TSPAN15: variants seen among roughly 807,000 people sequenced by gnomAD.
TSPAN15 encodes the protein tetraspanin 15.
A neutral mutation model predicts 34.5 loss-of-function variants in TSPAN15; 20 were observed. The ratio of observed to expected loss-of-function variants is 0.58; its 90% CI spans 0.41 to 0.84. The LOEUF (loss-of-function observed/expected upper bound fraction) is 0.84, where lower values mean the gene tolerates loss of function less well. Among genes scored for constraint, TSPAN15 ranks in the 40% least tolerant of loss-of-function variants. TSPAN15 has a pLI of 0.00. For missense variants in TSPAN15, 313 were observed against 386.1 expected (o/e 0.81, Z 1.59); for synonymous variants, 155 against 153.9 (o/e 1.01, Z -0.05).
At chr10:69,517,997 G>C in the TSPAN15 span, among the ~76,000 whole-genome samples, 1 of 152,206 alleles carries the variant, frequency 6.6e-6, no homozygotes, top group Non-Finnish European at 1.5e-5. Flanking sequence ...ATAAATCTTT[G>C]TTGACTGGAC....
At chr10:69,510,742 T>C (rs184773209), downstream of TSPAN15, among the ~76,000 whole-genome samples, 2 of 152,378 alleles carry the variant, frequency 1.3e-5, no homozygotes, top group African/African-American at 4.8e-5. Flanking sequence ...TATTTTGAGA[T>C]ATGTTCCATC....
the TSPAN15 span, among the ~76,000 whole-genome samples, chr10:69,543,844 A>AGTATGTGTGTGTGTGTGTGTGTGTGTGT: frequency 1.4e-5 from 1 of 73,808 alleles, no homozygotes; most frequent in African/African-American, 5.7e-5. Context: ...GAAGAAGGGG[A>AGTATGTGTGTGTGTGTGTGTGTGTGTGT]GTGTGTGTGT....
chr10:69,534,015 T>C, the TSPAN15 span, among the ~76,000 whole-genome samples: 3 of 152,210 alleles, frequency 2.0e-5, no homozygotes, highest in African/African-American at 7.2e-5. Context: ...TTCCACACAA[T>C]ACTCTAGGAA....
intron 1 of TSPAN15, among the ~76,000 whole-genome samples, chr10:69,462,155 G>GTTT (rs755068937): frequency 0.11 from 9,157 of 82,554 alleles, 1,357 homozygotes; most frequent in Non-Finnish European, 0.17. Flanking sequence ...TAATTTTAAA[G>GTTT]TTTTTTTTTT....
At chr10:69,508,457 A>AG (rs1842380647), downstream of TSPAN15, among the ~76,000 whole-genome samples, 1 of 145,240 alleles carries the variant, frequency 6.9e-6, no homozygotes, top group African/African-American at 2.5e-5. Context: ...AAAAAAAAAA[A>AG]AAAAAAAAAA....
the TSPAN15 span, among the ~76,000 whole-genome samples, chr10:69,543,213 G>A: frequency 6.6e-6 from 1 of 152,106 alleles, no homozygotes; most frequent in African/African-American, 2.4e-5. Context: ...GTGCCAAGAT[G>A]GTTTCTGATT....
Position 69,506,918 on chromosome 10 carries a change from C to G in TSPAN15, c.825C>G (p.Pro275=). 1 of 1,609,032 alleles carries G rather than the reference C, an allele frequency of 6.2e-7. No individual in the cohort carries two copies. Among genetic ancestry groups the G allele is most frequent in the Non-Finnish European group, 8.5e-7 (1 of 1,178,286 alleles). ...EHSVTDGLLG[P]GAKPSVEAAG... The stretch of plus-strand genomic sequence containing the variant: ...CTGTCACTGATGGGCTCCTGGGGCC[C>G]GGTGCCAAGCCCAGCGTGGAGGCGG... The change falls in exon 8 of 8, where the codon CCC becomes CCG. Residue 275 remains proline (P), a synonymous_variant. Coordinates refer to ENST00000373290, the MANE Select transcript of TSPAN15 (RefSeq NM_012339.5). This position sits in a 1 kb window ranked among gnomAD's most constrained non-coding sequence, Gnocchi z 4.7.
intron 3 of TSPAN15, among the ~76,000 whole-genome samples, chr10:69,488,240 A>G (rs1343305090): frequency 6.6e-6 from 1 of 152,086 alleles, no homozygotes; most frequent in Non-Finnish European, 1.5e-5. Flanking sequence ...CTCTAATGTG[A>G]TATGATTTTG....
chr10:69,537,498 G>A, the TSPAN15 span, among the ~76,000 whole-genome samples: 2 of 152,168 alleles, frequency 1.3e-5, no homozygotes, highest in South Asian at 4.2e-4. Flanking sequence ...TGTCGTCAGG[G>A]CCAGGCTCCC....
At chr10:69,526,253 A>G in the TSPAN15 span, among the ~76,000 whole-genome samples, 1 of 147,974 alleles carries the variant, frequency 6.8e-6, no homozygotes, top group Non-Finnish European at 1.5e-5. Context: ...TTATGTTATC[A>G]AAACTAATTT....
chr10:69,522,903 T>C, the TSPAN15 span, among the ~76,000 whole-genome samples: 1 of 148,092 alleles, frequency 6.8e-6, no homozygotes, highest in Non-Finnish European at 1.5e-5. Context: ...TGTCCTTTGA[T>C]ACACAAAAGT....
chr10:69,521,046 C>A, the TSPAN15 span, among the ~76,000 whole-genome samples: 2 of 151,482 alleles, frequency 1.3e-5, no homozygotes, highest in Admixed American at 6.6e-5. Context: ...ATGTGTCAAC[C>A]TGACTGGGCT....
At chr10:69,496,829 C>T (rs1343729127) in intron 4 of TSPAN15, among the ~76,000 whole-genome samples, 2 of 152,204 alleles carry the variant, frequency 1.3e-5, no homozygotes, top group Non-Finnish European at 2.9e-5. Context: ...ATGTGCCTGC[C>T]AGCTTGGGCT....
intron 3 of TSPAN15, among the ~76,000 whole-genome samples, chr10:69,490,280 G>A (rs765494329): frequency 2.0e-5 from 3 of 152,168 alleles, no homozygotes; most frequent in East Asian, 1.9e-4. Flanking sequence ...CTTGGTGTCC[G>A]ACGGGGATTG....
chr10:69,539,533 A>AAGAAGAAGAAGAAGG, the TSPAN15 span, among the ~76,000 whole-genome samples: 32 of 48,250 alleles, frequency 6.6e-4, no homozygotes, highest in South Asian at 4.7e-3. Flanking sequence ...GAAGAAGAAG[A>AAGAAGAAGAAGAAGG]AGAAGGAGAA....
chr10:69,540,981 G>A, the TSPAN15 span, among the ~76,000 whole-genome samples: 1 of 152,190 alleles, frequency 6.6e-6, no homozygotes, highest in East Asian at 1.9e-4. Flanking sequence ...CCTCCAGGGT[G>A]TGGGCTGCTG....
chr10:69,510,732 T>G (rs534789524), downstream of TSPAN15, among the ~76,000 whole-genome samples: 51 of 152,356 alleles, frequency 3.3e-4, no homozygotes, highest in Middle Eastern at 0.017. Context: ...TAGCTCTTAT[T>G]ATTTTGAGAT....
chr10:69,465,505 G>A (rs916588621), intron 1 of TSPAN15, among the ~76,000 whole-genome samples: 1 of 152,126 alleles, frequency 6.6e-6, no homozygotes, highest in Non-Finnish European at 1.5e-5. Flanking sequence ...GTCCTATATT[G>A]TCTTTAAAGC....
the TSPAN15 span, among the ~76,000 whole-genome samples, chr10:69,536,030 C>T: frequency 7.2e-5 from 11 of 152,250 alleles, no homozygotes; most frequent in East Asian, 1.5e-3. Context: ...GAGGGAAGGC[C>T]GGAGGTCGCT....
Sources: gnomAD v4.1 joint callset for allele counts (sites outside exome capture counted in the v4.1 genomes callset) on GRCh38, gnomAD v4.1.1 for gene constraint, Gnocchi (gnomAD v3.1) non-coding constraint, MANE v1.5 for transcripts, NCBI Gene and HGNC (gene_info 2026-07-23, HGNC 2026-07-21) for gene names.